Variants in CNTNAP2 observed in about 807,000 individuals in gnomAD.
CNTNAP2 encodes contactin-associated protein-like 2.
Under a neutral mutation model 155.2 loss-of-function variants are expected in CNTNAP2, and 98 were observed. The ratio of observed to expected loss-of-function variants is 0.63; its 90% CI spans 0.54 to 0.75. The LOEUF is 0.75. CNTNAP2 is among the 30% of genes least tolerant of loss of function. The probability of loss-of-function intolerance (pLI) is 0.00; values close to 1 mark genes in which losing one functional copy is unlikely to be tolerated. For synonymous variants in CNTNAP2, 651 were observed against 631.2 expected, an observed-to-expected ratio of 1.03 and a Z score of -0.47; for missense variants, 1,727 against 1,688.1, an observed-to-expected ratio of 1.02 and a Z score of -0.40.
intron 6 of CNTNAP2, chr7:147,121,925 C>G (rs969645221): frequency 1.3e-5 from 2 of 152,218 alleles, no homozygotes; most frequent in African/African-American, 2.4e-5. Flanking sequence ...TGCCTGTAAT[C>G]TCAGCACTTT....
chr7:146,651,259 G>T (rs904694570), intron 1 of CNTNAP2, among the ~76,000 whole-genome samples: 8 of 152,042 alleles, frequency 5.3e-5, no homozygotes, highest in African/African-American at 1.7e-4. Context: ...GTGTTGTTAT[G>T]CAGAATTCAT....
intron 1 of CNTNAP2, among the ~76,000 whole-genome samples, chr7:146,590,022 C>G (rs1010624520): frequency 2.6e-5 from 4 of 152,200 alleles, no homozygotes; most frequent in African/African-American, 7.2e-5. Context: ...CTGACTCTGT[C>G]TACGGAGGAA....
At position 146,823,706 on chromosome 7, in the gene CNTNAP2, A is replaced by T. The variant is rs553148490; in HGVS notation, c.209-16005A>T. On this transcript the variant is annotated intron_variant, in intron 2 of 23. Transcript: ENST00000361727. ...AGTATATTTAAATATGAGTATACTCATTCTTCAGTATATTTAAATAGTTGA... is the reference window on the plus strand; with the variant it reads ...AGTATATTTAAATATGAGTATACTCTTTCTTCAGTATATTTAAATAGTTGA... Among the ~76,000 whole-genome samples, 146 of 152,062 alleles carry T rather than the reference A, an allele frequency of 9.6e-4. 2 individuals carry two copies. Among genetic ancestry groups the T allele is most frequent in the Middle Eastern group, 3.5e-3 (1 of 286 alleles).
At chr7:146,843,497 C>T (rs117602968) in intron 3 of CNTNAP2, among the ~76,000 whole-genome samples, 356 of 150,458 alleles carry the variant, frequency 2.4e-3, no homozygotes, top group Admixed American at 7.7e-3. Context: ...GAGACACAAT[C>T]TAAATATTGC....
chr7:146,548,916 T>A (rs1388927373), intron 1 of CNTNAP2, among the ~76,000 whole-genome samples: 1 of 151,426 alleles, frequency 6.6e-6, no homozygotes, highest in Non-Finnish European at 1.5e-5. Context: ...GGTGTCAGAG[T>A]CATGAAATTA....
intron 1 of CNTNAP2, among the ~76,000 whole-genome samples, chr7:146,497,686 T>C (rs1056878448): frequency 2.0e-5 from 3 of 151,776 alleles, no homozygotes; most frequent in Admixed American, 2.0e-4. Flanking sequence ...TCTTATTGAA[T>C]ATTTTTTGAT....
intron 3 of CNTNAP2, among the ~76,000 whole-genome samples, chr7:146,954,921 A>C (rs2129228864): frequency 6.6e-6 from 1 of 152,032 alleles, no homozygotes; most frequent in African/African-American, 2.4e-5. Flanking sequence ...CCTTTGTCTT[A>C]AACCATGCAA....
At chr7:147,970,593 T>C (rs897245378) in intron 14 of CNTNAP2, among the ~76,000 whole-genome samples, 10 of 152,092 alleles carry the variant, frequency 6.6e-5, no homozygotes, top group African/African-American at 2.4e-4. Context: ...GATACAAAGA[T>C]TTAGAGGTAA....
chr7:146,488,299 CCCTT>C (rs1243166175), intron 1 of CNTNAP2, among the ~76,000 whole-genome samples: 118 of 122,828 alleles, frequency 9.6e-4, no homozygotes, highest in African/African-American at 4.0e-3. Context: ...CTCCCTCCCT[CCCTT>C]CCTCCCTCCC....
chr7:148,303,791 A>G (rs1797437918), intron 21 of CNTNAP2, among the ~76,000 whole-genome samples: 1 of 152,220 alleles, frequency 6.6e-6, no homozygotes, highest in Non-Finnish European at 1.5e-5. Flanking sequence ...CCAAGTCTAA[A>G]TTGGAAACGT....
intron 1 of CNTNAP2, among the ~76,000 whole-genome samples, chr7:146,656,497 C>T (rs1413892054): frequency 6.6e-6 from 1 of 152,192 alleles, no homozygotes; most frequent in Non-Finnish European, 1.5e-5. Flanking sequence ...TTTACTTTCA[C>T]ATTTTACTAA....
intron 3 of CNTNAP2, among the ~76,000 whole-genome samples, chr7:146,923,445 C>T (rs1585159675): frequency 6.6e-6 from 1 of 152,222 alleles, no homozygotes; most frequent in African/African-American, 2.4e-5. Flanking sequence ...GTTTCGTTCT[C>T]TGTATTCTCA....
chr7:147,049,672 G>A (rs1799436225), intron 4 of CNTNAP2, among the ~76,000 whole-genome samples: 1 of 152,122 alleles, frequency 6.6e-6, no homozygotes, highest in Non-Finnish European at 1.5e-5. Context: ...TCTCTAATCT[G>A]TCTGGAAACT....
intron 9 of CNTNAP2, among the ~76,000 whole-genome samples, chr7:147,334,925 T>G (rs1388005329): frequency 6.6e-6 from 1 of 152,124 alleles, no homozygotes; most frequent in East Asian, 1.9e-4. Context: ...TTCTTCAGCG[T>G]TTGTTATCCA....
chr7:147,519,502 A>G (rs1258236762), intron 11 of CNTNAP2, among the ~76,000 whole-genome samples: 2 of 152,234 alleles, frequency 1.3e-5, no homozygotes, highest in African/African-American at 4.8e-5. Flanking sequence ...ATAGGGCAGC[A>G]ACATCTTGGG....
intron 3 of CNTNAP2, among the ~76,000 whole-genome samples, chr7:147,025,444 G>GT (rs1798895731): frequency 6.0e-5 from 1 of 16,642 alleles, no homozygotes; most frequent in Non-Finnish European, 1.1e-4. Context: ...GAGGGGAGGG[G>GT]AGGGGAGGAG....
intron 1 of CNTNAP2, among the ~76,000 whole-genome samples, chr7:146,299,984 GAAGTAATAT>G (rs934987692): frequency 2.0e-5 from 3 of 152,146 alleles, no homozygotes; most frequent in African/African-American, 7.2e-5. Context: ...TCAGACCATG[GAAGTAATAT>G]AAGCTGGTCG....
chr7:147,162,341 A>G (rs1452227575), intron 8 of CNTNAP2, among the ~76,000 whole-genome samples: 1 of 152,192 alleles, frequency 6.6e-6, no homozygotes, highest in Non-Finnish European at 1.5e-5. Flanking sequence ...TATTATTATG[A>G]ATAATGTTGT....
At chr7:147,354,728 G>C (rs1383313875) in intron 9 of CNTNAP2, among the ~76,000 whole-genome samples, 1 of 152,142 alleles carries the variant, frequency 6.6e-6, no homozygotes, top group African/African-American at 2.4e-5. Flanking sequence ...ACTTTGGGCA[G>C]TATGGCCATT....
Sources: gnomAD v4.1 joint callset for allele counts (sites outside exome capture counted in the v4.1 genomes callset) on GRCh38, gnomAD v4.1.1 for gene constraint, MANE v1.5 for transcripts, NCBI Gene and HGNC (gene_info 2026-07-23, HGNC 2026-07-21) for gene names.